The following RABGAP1L variants were observed in gnomAD, a reference collection of about 807,000 sequenced individuals.
The protein encoded by RABGAP1L is RAB GTPase activating protein 1 like, also known as rab GTPase-activating protein 1-like.
RABGAP1L carries 63 observed loss-of-function variants against 137.7 expected under a neutral mutation model. The ratio of observed to expected loss-of-function variants is 0.46; its 90% confidence interval spans 0.37 to 0.56. RABGAP1L has a LOEUF of 0.56. Ranked by LOEUF, RABGAP1L falls within the 20% of genes least tolerant of loss-of-function variation. The pLI, the probability that RABGAP1L is intolerant of heterozygous loss-of-function variation, is 0.00. For synonymous variants in RABGAP1L, 431 were observed against 433.7 expected (o/e 0.99, Z 0.08); for missense variants, 1,095 against 1,244.0 (o/e 0.88, Z 1.80).
intron 15 of RABGAP1L, among the ~76,000 whole-genome samples, chr1:174,687,450 A>G (rs1442360798): frequency 1.3e-5 from 2 of 152,254 alleles, no homozygotes; most frequent in Admixed American, 6.5e-5. Context: ...AATGAAAAAC[A>G]TATTCTAATT....
chr1:174,731,960 TGGG>T (rs1682511114), intron 17 of RABGAP1L, among the ~76,000 whole-genome samples: 1 of 152,214 alleles, frequency 6.6e-6, no homozygotes, highest in Admixed American at 6.5e-5. Flanking sequence ...CCCAGCACTT[TGGG>T]AGGCCAAGGC....
chr1:174,821,047 G>C (rs1009171874), intron 19 of RABGAP1L, among the ~76,000 whole-genome samples: 3 of 150,262 alleles, frequency 2.0e-5, no homozygotes, highest in African/African-American at 7.3e-5. Flanking sequence ...ACTGCCCTGT[G>C]CTCATAATTT....
chr1:174,687,214 G>A (rs894945407), intron 15 of RABGAP1L, among the ~76,000 whole-genome samples: 1 of 152,112 alleles, frequency 6.6e-6, no homozygotes, highest in Admixed American at 6.5e-5. Flanking sequence ...TCTACATTAG[G>A]TACTCTACTA....
intron 19 of RABGAP1L, among the ~76,000 whole-genome samples, chr1:174,816,236 T>TC (rs1173225878): frequency 7.6e-6 from 1 of 131,764 alleles, no homozygotes; most frequent in Non-Finnish European, 1.6e-5. Context: ...CACTGCAACC[T>TC]CCGCCTCCCG....
At chr1:174,887,086 C>A (rs748510964) in intron 19 of RABGAP1L, among the ~76,000 whole-genome samples, 59 of 151,882 alleles carry the variant, frequency 3.9e-4, no homozygotes, top group Non-Finnish European at 6.9e-4. Context: ...ATTATAGGCG[C>A]GAGCCACCAC....
intron 10 of RABGAP1L, among the ~76,000 whole-genome samples, chr1:174,290,130 A>G (rs1052695872): frequency 2.6e-5 from 4 of 152,096 alleles, no homozygotes; most frequent in South Asian, 2.1e-4. Context: ...AGTACTGCCA[A>G]CCATACTCCC....
intron 13 of RABGAP1L, among the ~76,000 whole-genome samples, chr1:174,487,476 T>TA (rs1659786318): frequency 6.6e-6 from 1 of 152,180 alleles, no homozygotes; most frequent in African/African-American, 2.4e-5. Flanking sequence ...TGGGATGGAA[T>TA]ATCTTTTTCC....
intron 19 of RABGAP1L, among the ~76,000 whole-genome samples, chr1:174,911,552 A>G (rs1392591237): frequency 6.6e-6 from 1 of 152,234 alleles, no homozygotes; most frequent in African/African-American, 2.4e-5. Flanking sequence ...TTGTGAGCCT[A>G]TTATCTAGTT....
chr1:174,482,709 T>C (rs1180238063), intron 13 of RABGAP1L, among the ~76,000 whole-genome samples: 1 of 152,172 alleles, frequency 6.6e-6, no homozygotes, highest in Non-Finnish European at 1.5e-5. Flanking sequence ...ACTGCTGGGC[T>C]CAAGCAATCC....
At chr1:174,716,253 G>C (rs1207307601) in intron 17 of RABGAP1L, among the ~76,000 whole-genome samples, 1 of 152,136 alleles carries the variant, frequency 6.6e-6, no homozygotes, top group South Asian at 2.1e-4. Flanking sequence ...TGCATCCATT[G>C]TTTGGCATTT....
intron 1 of RABGAP1L, among the ~76,000 whole-genome samples, chr1:174,183,917 G>A (rs1027448718): frequency 1.3e-5 from 2 of 149,172 alleles, no homozygotes; most frequent in South Asian, 4.3e-4. Flanking sequence ...CCAGGCTGGA[G>A]TGCAGTGGCG....
intron 13 of RABGAP1L, among the ~76,000 whole-genome samples, chr1:174,600,388 TCTTAA>T (rs1378107874): frequency 6.6e-6 from 1 of 152,130 alleles, no homozygotes; most frequent in African/African-American, 2.4e-5. Flanking sequence ...TCCCGCAAAG[TCTTAA>T]CTTATTTCAT....
chr1:174,733,008 A>C (rs933992992), intron 17 of RABGAP1L, among the ~76,000 whole-genome samples: 10 of 145,778 alleles, frequency 6.9e-5, no homozygotes, highest in South Asian at 2.2e-4. Flanking sequence ...TGAAAAAAAA[A>C]CCCTCTGAGG....
At chr1:174,513,266 T>C (rs759181109) in intron 13 of RABGAP1L, among the ~76,000 whole-genome samples, 1 of 152,272 alleles carries the variant, frequency 6.6e-6, no homozygotes, top group East Asian at 1.9e-4. Flanking sequence ...GTTTGAAATA[T>C]AATGTCTGCC....
chr1:174,480,326 T>C (rs1658955484), intron 13 of RABGAP1L, among the ~76,000 whole-genome samples: 1 of 152,240 alleles, frequency 6.6e-6, no homozygotes, highest in Non-Finnish European at 1.5e-5. Flanking sequence ...TTAAAAGCTT[T>C]ATTTAGGATT....
chr1:174,815,034 A>G (rs546349146), intron 19 of RABGAP1L, among the ~76,000 whole-genome samples: 2 of 152,250 alleles, frequency 1.3e-5, no homozygotes, highest in East Asian at 3.9e-4. Flanking sequence ...CCCGGATCCC[A>G]AGAAAATCCC....
intron 11 of RABGAP1L, among the ~76,000 whole-genome samples, chr1:174,345,860 C>T (rs1682380534): frequency 6.6e-6 from 1 of 152,098 alleles, no homozygotes; most frequent in South Asian, 2.1e-4. Flanking sequence ...CACCCATTCA[C>T]AGTGATACTA....
At chr1:174,927,368 G>A (rs1027545151) in intron 19 of RABGAP1L, among the ~76,000 whole-genome samples, 1 of 152,060 alleles carries the variant, frequency 6.6e-6, no homozygotes, top group African/African-American at 2.4e-5. Flanking sequence ...TTTTTATCCT[G>A]TAATATGTGA....
chr1:174,860,272 A>G (rs900493679), intron 19 of RABGAP1L, among the ~76,000 whole-genome samples: 1 of 152,130 alleles, frequency 6.6e-6, no homozygotes, highest in Non-Finnish European at 1.5e-5. Context: ...ATATTAAAAA[A>G]TGACTAGGGA....
Sources: gnomAD v4.1 joint callset for allele counts (sites outside exome capture counted in the v4.1 genomes callset) on GRCh38, gnomAD v4.1.1 for gene constraint, MANE v1.5 for transcripts, NCBI Gene and HGNC (gene_info 2026-07-23, HGNC 2026-07-21) for gene names.